CD96: variants seen among roughly 807,000 people sequenced by gnomAD.
CD96 encodes the protein T-cell surface protein tactile.
Under a neutral mutation model 71.3 loss-of-function variants are expected in CD96, and 70 were observed. That is an observed-to-expected ratio of 0.98 (90% CI 0.81 to 1.20). The LOEUF (loss-of-function observed/expected upper bound fraction) is 1.20, where lower values mean the gene tolerates loss of function less well. Ranked by LOEUF, CD96 falls within the 50% of genes most tolerant of loss-of-function variation. The pLI is 0.00. For missense variants in CD96, 742 were observed against 677.5 expected, an observed-to-expected ratio of 1.10 and a Z score of -1.06; for synonymous variants, 248 against 233.0, an observed-to-expected ratio of 1.06 and a Z score of -0.59.
chr3:111,593,642 G>T, intron 5 of CD96: 2 of 1,604,144 alleles, frequency 1.2e-6, no homozygotes. Context: ...CTCCAGGATG[G>T]CCCTTTCCAC....
At chr3:111,624,849 T>C (rs1938673472) in intron 10 of CD96, among the ~76,000 whole-genome samples, 1 of 152,258 alleles carries the variant, frequency 6.6e-6, no homozygotes, top group African/African-American at 2.4e-5. Flanking sequence ...GAGACCAACG[T>C]GAGTCCAGAA....
chr3:111,635,290 A>G (rs1939273322), intron 10 of CD96, among the ~76,000 whole-genome samples: 1 of 152,190 alleles, frequency 6.6e-6, no homozygotes, highest in South Asian at 2.1e-4. Flanking sequence ...CTCTCTCACC[A>G]TACTTCCCAC....
intron 14 of CD96, among the ~76,000 whole-genome samples, chr3:111,664,799 T>C (rs968927079): frequency 3.9e-5 from 6 of 152,194 alleles, no homozygotes; most frequent in African/African-American, 1.4e-4. Context: ...TTGCAATACC[T>C]AACTCTAGAT....
intron 2 of CD96, among the ~76,000 whole-genome samples, chr3:111,561,538 G>T (rs1366597437): frequency 6.8e-6 from 1 of 148,110 alleles, no homozygotes; most frequent in Non-Finnish European, 1.5e-5. Flanking sequence ...AGGGGTCAGG[G>T]ACCCACTTGA....
At chr3:111,578,841 A>G (rs1936339192) in intron 3 of CD96, among the ~76,000 whole-genome samples, 186 bp from the exon 4 acceptor site, 1 of 152,200 alleles carries the variant, frequency 6.6e-6, no homozygotes, top group African/African-American at 2.4e-5. Context: ...GAGGGTAACA[A>G]TAGTTTTTAA....
At chr3:111,609,958 G>A (rs1236479543) in intron 8 of CD96, among the ~76,000 whole-genome samples, 1 of 152,176 alleles carries the variant, frequency 6.6e-6, no homozygotes, top group Non-Finnish European at 1.5e-5. Flanking sequence ...CTGGGATGCT[G>A]CTAAACATTG....
At chr3:111,591,371 TAAAAAA>T (rs3082283) in intron 5 of CD96, among the ~76,000 whole-genome samples, 1 of 88,108 alleles carries the variant, frequency 1.1e-5, no homozygotes. Flanking sequence ...GACTCCATCT[TAAAAAA>T]AAAAAAAAAA....
chr3:111,545,717 T>A (rs1934361264), intron 2 of CD96, among the ~76,000 whole-genome samples: 1 of 151,972 alleles, frequency 6.6e-6, no homozygotes, highest in Non-Finnish European at 1.5e-5. Context: ...ACTACCACAA[T>A]TTAGGAGGTG....
intron 5 of CD96, 96 bp downstream of exon 5, chr3:111,585,474 T>G: frequency 2.5e-6 from 2 of 803,740 alleles, no homozygotes; most frequent in Non-Finnish European, 4.4e-6. Flanking sequence ...AGAACTTTAC[T>G]CCTTGGCCCT....
chr3:111,552,144 G>GT (rs957870018), intron 2 of CD96, among the ~76,000 whole-genome samples: 9 of 151,502 alleles, frequency 5.9e-5, no homozygotes, highest in Non-Finnish European at 1.3e-4. Flanking sequence ...TAATGAGTTT[G>GT]TTTTTTTTCT....
chr3:111,571,292 A>C lies in CD96; in HGVS notation c.543+3645A>C, dbSNP rs149914388. 4.5e-3 allele frequency among the ~76,000 whole-genome samples: 675 copies of C among 149,444 alleles called. 3 individuals are homozygous for C. Among genetic ancestry groups the C allele is most frequent in the African/African-American group, 0.016 (632 of 40,358 alleles). The stretch of plus-strand genomic sequence containing the variant: ...AGAGTCTAGAGCATAGGTACTCATA[A>C]ATACTTAATAAATACTTGAATTAAT... On this transcript the variant is annotated intron_variant, in intron 3 of 13. Transcript: ENST00000352690.
intron 10 of CD96, among the ~76,000 whole-genome samples, chr3:111,635,265 C>G (rs1264907299): frequency 6.6e-6 from 1 of 152,190 alleles, no homozygotes; most frequent in Admixed American, 6.5e-5. Flanking sequence ...CAACGGGAAA[C>G]TCCATTTTCT....
At chr3:111,610,227 T>G (rs1228977151) in intron 8 of CD96, among the ~76,000 whole-genome samples, 1 of 152,242 alleles carries the variant, frequency 6.6e-6, no homozygotes, top group Non-Finnish European at 1.5e-5. Context: ...TAAACTTATC[T>G]TTTTGGAATA....
chr3:111,593,474 G>A, intron 5 of CD96: 1 of 1,489,678 alleles, frequency 6.7e-7, no homozygotes, highest in Non-Finnish European at 8.9e-7. Flanking sequence ...TTACATTTGA[G>A]TTGAAACTAA....
intron 8 of CD96, among the ~76,000 whole-genome samples, chr3:111,617,581 T>C (rs566436134): frequency 1.3e-5 from 2 of 152,184 alleles, no homozygotes; most frequent in East Asian, 3.9e-4. Flanking sequence ...ACAGGTCTCC[T>C]CTCCACTGAG....
intron 10 of CD96, among the ~76,000 whole-genome samples, chr3:111,633,195 G>A (rs1032618408): frequency 6.6e-6 from 1 of 151,962 alleles, no homozygotes; most frequent in African/African-American, 2.4e-5. Context: ...AAAAAAAAAG[G>A]CCCAAGGAGA....
At chr3:111,543,445 C>T (rs902545297) in intron 1 of CD96, among the ~76,000 whole-genome samples, 7 of 152,120 alleles carry the variant, frequency 4.6e-5, no homozygotes, top group Non-Finnish European at 8.8e-5. Context: ...TAAGTGGAAC[C>T]TCTACCTAAG....
At chr3:111,623,328 T>G (rs905582243) in intron 8 of CD96, among the ~76,000 whole-genome samples, 4 of 152,090 alleles carry the variant, frequency 2.6e-5, no homozygotes, top group African/African-American at 9.7e-5. Context: ...AACTAACAAT[T>G]GAAGTAAATA....
intron 3 of CD96, among the ~76,000 whole-genome samples, chr3:111,578,431 C>G (rs578013194): frequency 7.9e-4 from 121 of 152,268 alleles, no homozygotes; most frequent in African/African-American, 2.8e-3. Flanking sequence ...AGGTTAGGAC[C>G]AGAACAAGGC....
Sources: allele counts gnomAD v4.1 joint callset (sites outside exome capture counted in the v4.1 genomes callset), GRCh38; gene constraint gnomAD v4.1.1; transcripts MANE v1.5; gene names NCBI Gene and HGNC (gene_info 2026-07-23, HGNC 2026-07-21).